The following LMX1A variants were observed in gnomAD, a reference collection of about 807,000 sequenced individuals.
The protein encoded by LMX1A is LIM homeobox transcription factor 1-alpha.
In LMX1A, 15 loss-of-function variants were observed where a neutral mutation model predicts 49.1. The ratio of observed to expected loss-of-function variants is 0.31; its 90% CI spans 0.20 to 0.47. The LOEUF (loss-of-function observed/expected upper bound fraction) is 0.47, where lower values mean the gene tolerates loss of function less well. Among genes scored for constraint, LMX1A ranks in the 20% least tolerant of loss-of-function variants. The pLI is 1.00. For synonymous variants in LMX1A, 167 were observed against 185.7 expected (o/e 0.90, Z 0.82); for missense variants, 372 against 475.8 (o/e 0.78, Z 2.03).
At chr1:165,343,007 A>G (rs746713508) in intron 3 of LMX1A, among the ~76,000 whole-genome samples, 5 of 152,182 alleles carry the variant, frequency 3.3e-5, no homozygotes, top group Non-Finnish European at 7.4e-5. Context: ...GAGAAAACTG[A>G]AAACCTCTCC....
intron 3 of LMX1A, among the ~76,000 whole-genome samples, chr1:165,352,466 G>T (rs749210131): frequency 2.0e-5 from 3 of 152,214 alleles, no homozygotes; most frequent in Non-Finnish European, 4.4e-5. Context: ...AACCAGGAAG[G>T]CGACAGTGAA....
intron 4 of LMX1A, among the ~76,000 whole-genome samples, chr1:165,219,766 G>A (rs79723051): frequency 0.016 from 2,389 of 152,280 alleles, 29 homozygotes; most frequent in South Asian, 0.027. Flanking sequence ...CTTACACTTA[G>A]CACTTATTAT....
chr1:165,349,562 C>G (rs1232946397), intron 3 of LMX1A, among the ~76,000 whole-genome samples: 11 of 152,188 alleles, frequency 7.2e-5, no homozygotes, highest in Non-Finnish European at 1.5e-4. Flanking sequence ...TTATAGCCTT[C>G]AGTTCTTAAT....
chr1:165,290,056 T>A (rs1275936672), intron 3 of LMX1A, among the ~76,000 whole-genome samples: 1 of 152,226 alleles, frequency 6.6e-6, no homozygotes, highest in East Asian at 1.9e-4. Context: ...AAACATACAC[T>A]GCACATTTGG....
At chr1:165,321,622 G>A (rs1241358236) in intron 3 of LMX1A, among the ~76,000 whole-genome samples, 2 of 152,002 alleles carry the variant, frequency 1.3e-5, no homozygotes, top group Admixed American at 6.6e-5. Flanking sequence ...ACACAAAATG[G>A]ACCAAAGACC....
rs1650948833 is a variant in LMX1A at position 165,203,821 on chromosome 1, C to G, written c.*59G>C. ...GCCTCCCTGTCCTAAAGCCAGTGAC[C>G]CCTCAAAGAATATGGTTGTTCCATA... On this transcript the variant is annotated 3_prime_UTR_variant, in exon 9 of 9. Transcript: ENST00000342310. The G allele has an allele frequency of 6.4e-7, 1 of 1,557,818 alleles. No homozygotes were observed.
intron 3 of LMX1A, among the ~76,000 whole-genome samples, chr1:165,302,350 A>C (rs1296074778): frequency 6.6e-6 from 1 of 152,170 alleles, no homozygotes; most frequent in Non-Finnish European, 1.5e-5. Context: ...TGGCTGAGGC[A>C]GGAGAGTTGC....
chr1:165,252,376 GA>G (rs1418871619), intron 3 of LMX1A, among the ~76,000 whole-genome samples: 1 of 152,132 alleles, frequency 6.6e-6, no homozygotes, highest in Admixed American at 6.6e-5. Context: ...GGCAACCTAT[GA>G]AAAAACTAAA....
intron 4 of LMX1A, among the ~76,000 whole-genome samples, chr1:165,241,682 A>C: frequency 6.6e-6 from 1 of 152,240 alleles, no homozygotes; most frequent in East Asian, 1.9e-4. Flanking sequence ...TGACAAGGAT[A>C]ATCCCAGAGA....
At chr1:165,213,560 G>A in intron 5 of LMX1A, 81 bp downstream of exon 5, 3 of 1,300,190 alleles carry the variant, frequency 2.3e-6, no homozygotes, top group Non-Finnish European at 2.2e-6. Context: ...GACCCCCAAT[G>A]CCCACTGAGA....
At chr1:165,290,492 C>A (rs1346428361) in intron 3 of LMX1A, among the ~76,000 whole-genome samples, 1 of 152,122 alleles carries the variant, frequency 6.6e-6, no homozygotes, top group African/African-American at 2.4e-5. Flanking sequence ...TTTATAAAAA[C>A]CCTTGCGATA....
At chr1:165,238,687 T>C (rs1024928834) in intron 4 of LMX1A, among the ~76,000 whole-genome samples, 2 of 152,334 alleles carry the variant, frequency 1.3e-5, no homozygotes, top group African/African-American at 4.8e-5. Flanking sequence ...TCTCAGGTAG[T>C]AAGTCCTACT....
At chr1:165,286,571 A>T (rs190257889) in intron 3 of LMX1A, among the ~76,000 whole-genome samples, 3 of 152,296 alleles carry the variant, frequency 2.0e-5, no homozygotes, top group East Asian at 3.9e-4. Context: ...AAATAAAATG[A>T]GAGTACCCAG....
chr1:165,350,706 A>G (rs1656401237), intron 3 of LMX1A, among the ~76,000 whole-genome samples: 1 of 152,220 alleles, frequency 6.6e-6, no homozygotes, highest in Non-Finnish European at 1.5e-5. Context: ...AGGAATTTTA[A>G]AAAGGAATAA....
chr1:165,257,221 G>A (rs1055187454), intron 3 of LMX1A, among the ~76,000 whole-genome samples: 11 of 151,880 alleles, frequency 7.2e-5, no homozygotes, highest in East Asian at 1.9e-4. Flanking sequence ...AGTTCTCTCC[G>A]TAGGAGAGAA....
chr1:165,337,454 C>A (rs116223405), intron 3 of LMX1A, among the ~76,000 whole-genome samples: 5 of 152,274 alleles, frequency 3.3e-5, no homozygotes, highest in African/African-American at 1.2e-4. Context: ...TATACCAAAA[C>A]GAGCTTTAAA....
At chr1:165,285,506 T>C (rs2101709886) in intron 3 of LMX1A, among the ~76,000 whole-genome samples, 1 of 152,326 alleles carries the variant, frequency 6.6e-6, no homozygotes, top group Non-Finnish European at 1.5e-5. Context: ...TGTCTCTGCG[T>C]TGTCTGGCAG....
At chr1:165,276,144 T>G (rs1439408031) in intron 3 of LMX1A, among the ~76,000 whole-genome samples, 1 of 152,148 alleles carries the variant, frequency 6.6e-6, no homozygotes, top group Non-Finnish European at 1.5e-5. Context: ...GCTACAATCC[T>G]GAGAATACAT....
In LMX1A at chr1:165,355,119, C is replaced by T. The variant is rs1164325680; in HGVS notation, c.76+365G>A. On this transcript the variant is annotated intron_variant, in intron 2 of 8. Coordinates refer to ENST00000342310, the MANE Select transcript of LMX1A (RefSeq NM_177398.4). The surrounding 1 kb of genome is among the most constrained non-coding windows in gnomAD (Gnocchi z 4.7). ...CGCTCCAGGCCTCGGGTCTCGGATGCTATTGCCTCTAGGCCGCGAGAAGAG... is the reference window on the plus strand; with the variant it reads ...CGCTCCAGGCCTCGGGTCTCGGATGTTATTGCCTCTAGGCCGCGAGAAGAG... Among the ~76,000 whole-genome samples, 9 of 152,174 alleles carry T rather than the reference C, an allele frequency of 5.9e-5. No homozygotes were observed. Among genetic ancestry groups the T allele is most frequent in the African/African-American group, 1.9e-4 (8 of 41,440 alleles).
Sources: allele counts gnomAD v4.1 joint callset (sites outside exome capture counted in the v4.1 genomes callset), GRCh38; gene constraint gnomAD v4.1.1; non-coding constraint Gnocchi (gnomAD v3.1); transcripts MANE v1.5; gene names NCBI Gene and HGNC (gene_info 2026-07-23, HGNC 2026-07-21).